ZZEF1: variants seen among roughly 807,000 people sequenced by gnomAD.
ZZEF1 encodes zinc finger ZZ-type and EF-hand domain containing 1.
A neutral mutation model predicts 342.8 loss-of-function variants in ZZEF1; 157 were observed. The observed-to-expected ratio is 0.46, with a 90% CI of 0.40 to 0.52. ZZEF1 has a LOEUF of 0.52. Among genes scored for constraint, ZZEF1 ranks in the 20% least tolerant of loss-of-function variants. The probability of loss-of-function intolerance (pLI) is 0.00; values close to 1 mark genes in which losing one functional copy is unlikely to be tolerated. For synonymous variants in ZZEF1, 1,505 were observed against 1,429.1 expected, an observed-to-expected ratio of 1.05 and a Z score of -1.20; for missense variants, 3,480 against 3,725.6, an observed-to-expected ratio of 0.93 and a Z score of 1.72.
Position 4,009,905 on chromosome 17 carries a change from A to G in ZZEF1, c.8580-148T>C, listed in dbSNP as rs1163784806. The G allele has an allele frequency of 3.4e-6, 3 of 886,072 alleles. No homozygotes were observed. In the Admixed American group the frequency reaches 8.4e-5, roughly 25 times the overall value. 54.9% of individuals were successfully genotyped at this position (886,072 alleles called of 1,614,324 possible). Reference sequence around the variant, plus strand: ...AAGTCGCCTCACCTATGCTCCCCACAAAGCAGCCACGAATAGTCACCAACA... The same window carrying G: ...AAGTCGCCTCACCTATGCTCCCCACGAAGCAGCCACGAATAGTCACCAACA... On this transcript the variant is annotated intron_variant, in intron 52 of 54. Transcript: ENST00000381638.
At chr17:4,092,299 CT>C (rs367934690) in intron 11 of ZZEF1, among the ~76,000 whole-genome samples, 167 of 118,384 alleles carry the variant, frequency 1.4e-3, no homozygotes, top group African/African-American at 4.5e-3. Context: ...AAACATGTCC[CT>C]TTTTTTTTTT....
chr17:4,050,713 C>A (rs528332429), intron 36 of ZZEF1, 68 bp downstream of exon 36: 6 of 1,601,834 alleles, frequency 3.7e-6, no homozygotes, highest in African/African-American at 2.7e-5. Flanking sequence ...TAGTATTTTA[C>A]ATTTGCCAAG....
rs145663023 is a variant in ZZEF1, at chr17:4,017,050, CGTGT to C, written c.8001+317_8001+320del. The C allele has an allele frequency of 6.5e-6, 2 of 309,696 alleles. No homozygotes were observed. The highest frequency in any genetic ancestry group is 1.4e-4 in the East Asian group (2 of 14,414). The allele number at this position is 309,696 out of a possible 1,614,324, so 19.2% of individuals were successfully genotyped here. A position where few individuals can be genotyped will look rare whatever the true frequency, so the allele number is the denominator to read the frequency against. On this transcript the variant is annotated intron_variant, in intron 48 of 54. Coordinates refer to ENST00000381638, the MANE Select transcript of ZZEF1 (RefSeq NM_015113.4). This position sits in a 1 kb window ranked among gnomAD's most constrained non-coding sequence, Gnocchi z 5.1. Reference sequence around the variant, plus strand: ...GCCAAATGAACTTCCTCATGGACTGCGTGTGTGTGTGTGAAGGTGGGTGAGGGAC... The same window carrying C: ...GCCAAATGAACTTCCTCATGGACTGCGTGTGTGTGAAGGTGGGTGAGGGAC...
In ZZEF1 at chr17:4,117,141, C is replaced by T. The variant is rs377403128; in HGVS notation, c.525G>A (p.Ser175=). 8.2e-5 allele frequency: 132 copies of T among 1,613,240 alleles called. No homozygotes were observed. The Middle Eastern group carries it at 1.0e-3, about 12-fold the overall frequency. The change falls in exon 3 of 55, where the codon TCG becomes TCA. Residue 175 remains serine (S), a synonymous_variant. Transcript: ENST00000381638. ...ACGAGTGAATATCAAGGCCCTCCTT[C>T]GACTCTGAAAATATGTCTGTGAAAC... is the stretch of plus-strand genomic sequence containing the variant. ...VPGFTDIFSE[S]KEGLDIHSSM...
Position 4,090,840 on chromosome 17 carries a change from C to A in ZZEF1, c.1914-10G>T, listed in dbSNP as rs1188148088. On this transcript the variant is annotated splice_polypyrimidine_tract_variant and intron_variant, in intron 11 of 54. Transcript: ENST00000381638. Reference sequence around the variant, plus strand: ...AGATGAGCAACCAATCCTGTAAAGACAAGAGTATTCACAAAACATTTTATT... The same window carrying A: ...AGATGAGCAACCAATCCTGTAAAGAAAAGAGTATTCACAAAACATTTTATT... 6.2e-7 allele frequency: 1 copy of A among 1,601,556 alleles called. No individual in the cohort carries two copies.
At chr17:4,060,934 T>G (rs1332229677) in intron 30 of ZZEF1, among the ~76,000 whole-genome samples, 1 of 152,188 alleles carries the variant, frequency 6.6e-6, no homozygotes, top group Non-Finnish European at 1.5e-5. Context: ...CCAAGTTTCC[T>G]TATCACTGAT....
At chr17:4,048,491 T>C (rs540634936) in intron 37 of ZZEF1, among the ~76,000 whole-genome samples, 110 of 152,312 alleles carry the variant, frequency 7.2e-4, no homozygotes, top group Non-Finnish European at 1.2e-3. Context: ...ACACAAGCTC[T>C]GGAGGCAGCA....
At chr17:4,029,694 G>A (rs1167030102) in intron 42 of ZZEF1, among the ~76,000 whole-genome samples, 2 of 151,862 alleles carry the variant, frequency 1.3e-5, no homozygotes, top group African/African-American at 4.8e-5. Context: ...GACCAACATG[G>A]TAAACCCTGT....
intron 1 of ZZEF1, among the ~76,000 whole-genome samples, chr17:4,128,180 T>C (rs2058602733): frequency 6.6e-6 from 1 of 151,810 alleles, no homozygotes; most frequent in Non-Finnish European, 1.5e-5. Flanking sequence ...ACCCCGTCTC[T>C]ACTAAAAATA....
At chr17:4,036,820 CTCTCTCTCTCT>C (rs1365967138) in intron 39 of ZZEF1, among the ~76,000 whole-genome samples, 190 of 44,160 alleles carry the variant, frequency 4.3e-3, no homozygotes, top group African/African-American at 0.041. Flanking sequence ...CACACACACT[CTCTCTCTCTCT>C]CTCTCTCTCT....
chr17:4,064,489 T>G lies in ZZEF1; in HGVS notation c.4590A>C (p.Arg1530=). 1 of 1,614,100 alleles carries G rather than the reference T, an allele frequency of 6.2e-7. No homozygotes were observed. The highest frequency in any genetic ancestry group is 2.2e-5 in the East Asian group (1 of 44,880). Residue 1530 remains arginine (R), a synonymous_variant, in exon 29 of 55, where the codon CGA becomes CGC. Transcript: ENST00000381638. ...STPTRRPPFT[R]GRLRLLSFRS... ...GAAAGGAGAGCAGCCGGAGTCGCCC[T>G]CGGGTGAAGGGAGGCCGGCGGGTGG...
intron 4 of ZZEF1, among the ~76,000 whole-genome samples, chr17:4,113,870 G>A (rs2058353340): frequency 6.6e-6 from 1 of 151,920 alleles, no homozygotes; most frequent in African/African-American, 2.4e-5. Flanking sequence ...GACTGAGACT[G>A]AGGCAGGAGG....
At chr17:4,038,532 C>A (rs1378623049) in intron 39 of ZZEF1, among the ~76,000 whole-genome samples, 1 of 152,220 alleles carries the variant, frequency 6.6e-6, no homozygotes, top group Non-Finnish European at 1.5e-5. Context: ...AGGCCGGGCG[C>A]AGCGGCTCAC....
intron 39 of ZZEF1, among the ~76,000 whole-genome samples, chr17:4,036,167 TA>T (rs1386796364): frequency 1.3e-5 from 2 of 151,228 alleles, no homozygotes; most frequent in African/African-American, 4.9e-5. Flanking sequence ...ATCCAGTAGG[TA>T]ATTATACGAA....
At chr17:4,046,758 CA>C (rs2056923179) in intron 37 of ZZEF1, among the ~76,000 whole-genome samples, 1 of 152,212 alleles carries the variant, frequency 6.6e-6, no homozygotes, top group African/African-American at 2.4e-5. Flanking sequence ...CAAGTTATGG[CA>C]AATGACTTAT....
At chr17:4,123,877 T>C (rs759588516) in intron 2 of ZZEF1, 30 bp downstream of exon 2, 2 of 1,607,226 alleles carry the variant, frequency 1.2e-6, no homozygotes, top group Non-Finnish European at 1.7e-6. Flanking sequence ...TCACTTTGGT[T>C]CTAAGACAGC....
At chr17:4,085,302 T>G (rs1319757564) in intron 16 of ZZEF1, among the ~76,000 whole-genome samples, 1 of 152,088 alleles carries the variant, frequency 6.6e-6, no homozygotes, top group Non-Finnish European at 1.5e-5. Context: ...AGGTGACAGG[T>G]ACATTTGGGG....
In ZZEF1 at chr17:4,064,540, A is replaced by C; in HGVS notation, c.4539T>G (p.Ala1513=). Residue 1513 remains alanine, a synonymous_variant, in exon 29 of 55, where the codon GCT becomes GCG. Coordinates refer to ENST00000381638, the MANE Select transcript of ZZEF1 (RefSeq NM_015113.4). Reference sequence around the variant, plus strand: ...GTGTGGAAGGTGACAAGGGCTCTTCAGCTGTGGCAGGGGACACGTCTGCAG... The same window carrying C: ...GTGTGGAAGGTGACAAGGGCTCTTCCGCTGTGGCAGGGGACACGTCTGCAG... The part of the protein sequence containing the change: ...LPAADVSPAT[A]EEPLSPSTPT... The C allele has an allele frequency of 1.2e-6, 2 of 1,614,196 alleles. No individual in the cohort carries two copies. The highest frequency in any genetic ancestry group is 1.7e-6 in the Non-Finnish European group (2 of 1,180,034).
At chr17:4,097,995 T>C (rs1327709868) in intron 9 of ZZEF1, among the ~76,000 whole-genome samples, 1 of 150,414 alleles carries the variant, frequency 6.6e-6, no homozygotes, top group African/African-American at 2.4e-5. Flanking sequence ...CCCAGCACTT[T>C]GGGAGGCTGA....
Sources: gnomAD v4.1 joint callset for allele counts (sites outside exome capture counted in the v4.1 genomes callset) on GRCh38, gnomAD v4.1.1 for gene constraint, Gnocchi (gnomAD v3.1) non-coding constraint, MANE v1.5 for transcripts, NCBI Gene and HGNC (gene_info 2026-07-23, HGNC 2026-07-21) for gene names.